DGKB: variants seen among roughly 807,000 people sequenced by gnomAD.
DGKB encodes 90 kDa diacylglycerol kinase.
DGKB carries 67 observed loss-of-function variants against 114.3 expected under a neutral mutation model. The ratio of observed to expected loss-of-function variants is 0.59; its 90% CI spans 0.48 to 0.72. DGKB has a LOEUF of 0.72. Among genes scored for constraint, DGKB ranks in the 30% least tolerant of loss-of-function variants. The probability of loss-of-function intolerance (pLI) is 0.00; values close to 1 mark genes in which losing one functional copy is unlikely to be tolerated. For missense variants in DGKB, 907 were observed against 975.2 expected (o/e 0.93, Z 0.93); for synonymous variants, 398 against 323.1 (o/e 1.23, Z -2.49).
intron 23 of DGKB, among the ~76,000 whole-genome samples, chr7:14,283,540 G>A (rs1800318459): frequency 6.7e-6 from 1 of 149,126 alleles, no homozygotes; most frequent in African/African-American, 2.6e-5. Context: ...AACCAAAAAA[G>A]AGCCCGCATC....
At chr7:14,670,917 A>G (rs1818859581) in intron 13 of DGKB, among the ~76,000 whole-genome samples, 1 of 152,196 alleles carries the variant, frequency 6.6e-6, no homozygotes, top group African/African-American at 2.4e-5. Context: ...CTAGGCATGC[A>G]ATGAATATTT....
intron 2 of DGKB, among the ~76,000 whole-genome samples, chr7:14,811,546 G>A (rs941764757): frequency 1.1e-4 from 16 of 152,044 alleles, no homozygotes; most frequent in Non-Finnish European, 2.9e-5. Context: ...GTTATTCAAC[G>A]TGAAATTCTT....
intron 10 of DGKB, among the ~76,000 whole-genome samples, chr7:14,683,243 T>C (rs929537321): frequency 4.6e-5 from 7 of 152,150 alleles, no homozygotes; most frequent in African/African-American, 1.7e-4. Context: ...CTGGCGGGTA[T>C]GGGAATAAAA....
At chr7:14,231,086 T>TCTTTCTCTC (rs1491284115) in intron 23 of DGKB, among the ~76,000 whole-genome samples, 2 of 32,072 alleles carry the variant, frequency 6.2e-5, no homozygotes. Flanking sequence ...TCTTTCCCTT[T>TCTTTCTCTC]CTTTCTTTCT....
chr7:14,533,784 A>G (rs1490262161), intron 20 of DGKB, among the ~76,000 whole-genome samples: 2 of 152,012 alleles, frequency 1.3e-5, no homozygotes, highest in Non-Finnish European at 2.9e-5. Flanking sequence ...AAGTACTGAA[A>G]GCAAAAAATT....
At chr7:14,704,398 A>G (rs1423226118) in intron 6 of DGKB, among the ~76,000 whole-genome samples, 2 of 148,738 alleles carry the variant, frequency 1.3e-5, no homozygotes, top group Non-Finnish European at 3.0e-5. Flanking sequence ...CAGTGAGCCG[A>G]GATCACGCCA....
intron 2 of DGKB, among the ~76,000 whole-genome samples, chr7:14,840,053 A>G (rs1460924832): frequency 1.3e-5 from 2 of 152,194 alleles, no homozygotes; most frequent in Admixed American, 6.5e-5. Context: ...TTACCATCAC[A>G]TCTATCTTCA....
At chr7:14,747,978 C>G (rs1833600778) in intron 4 of DGKB, among the ~76,000 whole-genome samples, 1 of 152,164 alleles carries the variant, frequency 6.6e-6, no homozygotes, top group Non-Finnish European at 1.5e-5. Flanking sequence ...ATTATTATTT[C>G]TGACCATCTG....
At chr7:14,209,820 ATTG>A (rs773681197) in intron 23 of DGKB, among the ~76,000 whole-genome samples, 8 of 151,176 alleles carry the variant, frequency 5.3e-5, no homozygotes, top group Non-Finnish European at 7.4e-5. Flanking sequence ...GGGCTCTGGT[ATTG>A]TTATTTTATC....
chr7:14,153,118 C>G (rs1171219603), intron 25 of DGKB, among the ~76,000 whole-genome samples: 1 of 152,118 alleles, frequency 6.6e-6, no homozygotes, highest in Non-Finnish European at 1.5e-5. Context: ...TTCAGCCCAA[C>G]TAAAATCAGA....
At position 14,879,571 on chromosome 7, in the gene DGKB, A is replaced by G. The variant is rs556681841; in HGVS notation, c.-188+23021T>C. On this transcript the variant is annotated intron_variant, in intron 1 of 25. Coordinates refer to ENST00000402815, the MANE Select transcript of DGKB (RefSeq NM_001350709.2). ...AAACTTTTTTAAAATATCTGAAATG[A>G]CCTAAGGCTATGAAGCCCCAAGTAT... Among the ~76,000 whole-genome samples the G allele has an allele frequency of 2.0e-5, 3 of 152,330 alleles. No homozygotes were observed. The South Asian group carries it at 6.2e-4, about 32-fold the overall frequency.
At chr7:14,960,068 C>T (rs1207472644) in intron 1 of DGKB, among the ~76,000 whole-genome samples, 1 of 151,884 alleles carries the variant, frequency 6.6e-6, no homozygotes, top group Non-Finnish European at 1.5e-5. Context: ...GCATGAGATA[C>T]AAATTAGAAA....
rs1485230242 is a variant in DGKB at position 14,616,830 on chromosome 7, AC to A, written c.1285-3418del. 2.0e-5 allele frequency among the ~76,000 whole-genome samples: 3 copies of A among 151,890 alleles called. No individual in the cohort carries two copies. In the East Asian group the frequency reaches 5.8e-4, roughly 29 times the overall value. On this transcript the variant is annotated intron_variant, in intron 15 of 25. Coordinates refer to ENST00000402815, the MANE Select transcript of DGKB (RefSeq NM_001350709.2). ...GATACAGTAATACGGTTTCACACAC[AC>A]AAAAATACTGATGAAGAGAGAAAGT...
chr7:14,588,256 TC>T (rs1476711290), intron 17 of DGKB, among the ~76,000 whole-genome samples: 1 of 152,114 alleles, frequency 6.6e-6, no homozygotes, highest in Non-Finnish European at 1.5e-5. Context: ...TTGATTTTAG[TC>T]CTTTTTGAAT....
intron 1 of DGKB, among the ~76,000 whole-genome samples, chr7:14,881,024 A>C (rs10226964): frequency 0.066 from 10,047 of 152,234 alleles, 529 homozygotes; most frequent in East Asian, 0.27. Flanking sequence ...GATTATAGGA[A>C]ATTTGAATTT....
At chr7:14,279,119 T>C (rs144409173) in intron 23 of DGKB, among the ~76,000 whole-genome samples, 4,906 of 152,196 alleles carry the variant, frequency 0.032, 112 homozygotes, top group Non-Finnish European at 0.049. Flanking sequence ...AAAGGGGTGA[T>C]GGACGGCACC....
rs551861940 is a variant in DGKB, at chr7:14,153,470, T to C, written c.2305-4232A>G. Among the ~76,000 whole-genome samples the C allele has an allele frequency of 2.6e-5, 4 of 152,172 alleles. No homozygotes were observed. In the South Asian group the frequency reaches 8.3e-4, roughly 32 times the overall value. Reference sequence around the variant, plus strand: ...TGGGAGGTAGCTGTCAACACCCTTATTTTACACTGAAGGACAAAGAGACTT... The same window carrying C: ...TGGGAGGTAGCTGTCAACACCCTTACTTTACACTGAAGGACAAAGAGACTT... On this transcript the variant is annotated intron_variant, in intron 25 of 25. Coordinates refer to ENST00000402815, the MANE Select transcript of DGKB (RefSeq NM_001350709.2).
chr7:14,299,023 C>T (rs1803052852), intron 23 of DGKB, among the ~76,000 whole-genome samples: 2 of 152,056 alleles, frequency 1.3e-5, no homozygotes, highest in Admixed American at 6.6e-5. Context: ...AGAATGGTGT[C>T]ATTAAAAAGT....
At chr7:14,364,565 A>T (rs2128636618) in intron 21 of DGKB, among the ~76,000 whole-genome samples, 1 of 152,084 alleles carries the variant, frequency 6.6e-6, no homozygotes, top group African/African-American at 2.4e-5. Context: ...AGGTAAAATC[A>T]TTTTCATTGT....
Sources: gnomAD v4.1 joint callset for allele counts (sites outside exome capture counted in the v4.1 genomes callset) on GRCh38, gnomAD v4.1.1 for gene constraint, MANE v1.5 for transcripts, NCBI Gene and HGNC (gene_info 2026-07-23, HGNC 2026-07-21) for gene names.